EPHA6: variants seen among roughly 807,000 people sequenced by gnomAD.
EPHA6 encodes ephrin type-A receptor 6.
Under a neutral mutation model 112.0 loss-of-function variants are expected in EPHA6, and 50 were observed. The observed-to-expected ratio is 0.45, with a 90% confidence interval of 0.36 to 0.56. The LOEUF (loss-of-function observed/expected upper bound fraction) is 0.56, where lower values mean the gene tolerates loss of function less well. EPHA6 is among the 20% of genes least tolerant of loss of function. EPHA6 has a pLI of 0.00. For synonymous variants in EPHA6, 529 were observed against 490.7 expected (o/e 1.08, Z -1.03); for missense variants, 1,280 against 1,417.4 (o/e 0.90, Z 1.56).
At chr3:97,250,836 C>G (rs1476764657) in intron 5 of EPHA6, among the ~76,000 whole-genome samples, 1 of 151,660 alleles carries the variant, frequency 6.6e-6, no homozygotes. Context: ...ATATTTAACA[C>G]TGGGTTTATT....
intron 11 of EPHA6, among the ~76,000 whole-genome samples, chr3:97,571,587 A>C (rs1475527381): frequency 6.6e-6 from 1 of 152,038 alleles, no homozygotes; most frequent in Admixed American, 6.6e-5. Flanking sequence ...TTACATTGTC[A>C]CCTTCAAAGG....
At chr3:97,622,342 TA>T (rs1468267573) in intron 13 of EPHA6, among the ~76,000 whole-genome samples, 1 of 151,822 alleles carries the variant, frequency 6.6e-6, no homozygotes, top group Admixed American at 6.6e-5. Flanking sequence ...AGTGAAATCA[TA>T]TAGTATTTGT....
chr3:97,543,805 C>G (rs950337760), intron 11 of EPHA6, among the ~76,000 whole-genome samples: 11 of 152,016 alleles, frequency 7.2e-5, no homozygotes, highest in African/African-American at 2.7e-4. Context: ...TGAAGAGGTC[C>G]TTCACATCCC....
intron 10 of EPHA6, among the ~76,000 whole-genome samples, chr3:97,525,459 A>G (rs1223060298): frequency 2.6e-5 from 4 of 152,108 alleles, no homozygotes; most frequent in African/African-American, 9.7e-5. Flanking sequence ...GAAGATGAGC[A>G]TTTTGAATCC....
chr3:96,879,164 G>A (rs1049996168), intron 2 of EPHA6, among the ~76,000 whole-genome samples: 1 of 151,966 alleles, frequency 6.6e-6, no homozygotes, highest in Non-Finnish European at 1.5e-5. Flanking sequence ...GGGAAACTAT[G>A]AATGTTACTG....
At position 97,110,699 on chromosome 3, in the gene EPHA6, A is replaced by AT. The variant is rs938476970; in HGVS notation, c.1115-115556dup. On this transcript the variant is annotated intron_variant, in intron 3 of 17. Transcript: ENST00000389672. ...GCCACCACACCCAGATAATTTTTGT[A>AT]TTTTTTTTTAGTAGAGATGGGATTT... 6.3e-4 allele frequency among the ~76,000 whole-genome samples: 94 copies of AT among 149,840 alleles called. 2 individuals carry two copies. The highest frequency in any genetic ancestry group is 1.9e-3 in the African/African-American group (78 of 40,858).
chr3:97,332,120 C>T (rs180927583), intron 5 of EPHA6, among the ~76,000 whole-genome samples: 2,297 of 152,134 alleles, frequency 0.015, 50 homozygotes, highest in African/African-American at 0.051. Flanking sequence ...AATCAATAAA[C>T]GTAATCCAGC....
At chr3:97,747,240 G>T (rs2035756233) in intron 16 of EPHA6, among the ~76,000 whole-genome samples, 183 bp from the exon 17 acceptor site, 2 of 151,984 alleles carry the variant, frequency 1.3e-5, no homozygotes, top group South Asian at 2.1e-4. Context: ...ATAAGTCACT[G>T]ATTTGATAAA....
chr3:97,104,302 T>G (rs1052756708), intron 3 of EPHA6, among the ~76,000 whole-genome samples: 4 of 152,178 alleles, frequency 2.6e-5, no homozygotes, highest in African/African-American at 7.2e-5. Context: ...AGGCTCTTAC[T>G]ATTTCGTGAT....
intron 3 of EPHA6, among the ~76,000 whole-genome samples, chr3:97,141,245 A>G (rs556516819): frequency 1.3e-5 from 2 of 152,114 alleles, no homozygotes; most frequent in East Asian, 3.9e-4. Context: ...GGATTTTAAC[A>G]CCCCACTGAC....
At position 97,748,852 on chromosome 3, in the gene EPHA6, C is replaced by G. The variant is rs1413753021; in HGVS notation, c.*151C>G. ...GGCACACACCTTATGTTTATGCTTC[C>G]AACCAGGATTTTAAAATCATGCTAC... On this transcript the variant is annotated 3_prime_UTR_variant, in exon 18 of 18. Coordinates refer to ENST00000389672, the MANE Select transcript of EPHA6 (RefSeq NM_001080448.3). The G allele has an allele frequency of 1.7e-6, 1 of 601,298 alleles. No homozygotes were observed. The highest frequency in any genetic ancestry group is 3.0e-6 in the Non-Finnish European group (1 of 333,318). The allele number at this position is 601,298 out of a possible 1,614,324, so 37.2% of individuals were successfully genotyped here.
Position 97,428,471 on chromosome 3 carries a change from T to A in EPHA6, c.1732-20097T>A, listed in dbSNP as rs548957850. Among the ~76,000 whole-genome samples the A allele has an allele frequency of 4.6e-5, 7 of 152,306 alleles. No homozygotes were observed. The South Asian group carries it at 1.4e-3, about 32-fold the overall frequency. On this transcript the variant is annotated intron_variant, in intron 6 of 17. Transcript: ENST00000389672. ...TATTTCATGAAGCTTATATCATGGA[T>A]CTAGTCTCACTAGATGTTTTACCAC...
chr3:97,087,006 C>T (rs569555515), intron 3 of EPHA6, among the ~76,000 whole-genome samples: 5 of 152,206 alleles, frequency 3.3e-5, no homozygotes, highest in East Asian at 3.9e-4. Context: ...TGGAAAAACA[C>T]GTAAGTTTTG....
intron 5 of EPHA6, among the ~76,000 whole-genome samples, chr3:97,335,975 A>G (rs537900531): frequency 9.9e-5 from 15 of 152,216 alleles, no homozygotes; most frequent in African/African-American, 3.4e-4. Context: ...CAGTTTATCA[A>G]TCTGGGTGGT....
At chr3:97,592,762 T>G in intron 12 of EPHA6, 25 bp downstream of exon 12, 1 of 1,565,284 alleles carries the variant, frequency 6.4e-7, no homozygotes, top group Non-Finnish European at 8.6e-7. Context: ...TGAAGTTTTC[T>G]GCCACCATAT....
At chr3:97,081,628 TTAAC>T (rs1438930625) in intron 3 of EPHA6, among the ~76,000 whole-genome samples, 1 of 151,752 alleles carries the variant, frequency 6.6e-6, no homozygotes, top group Non-Finnish European at 1.5e-5. Flanking sequence ...TCAATACACT[TTAAC>T]TATGTGATTC....
intron 3 of EPHA6, among the ~76,000 whole-genome samples, chr3:97,189,229 A>G (rs896398385): frequency 1.3e-5 from 2 of 151,974 alleles, no homozygotes; most frequent in African/African-American, 4.8e-5. Flanking sequence ...AAACTTTATG[A>G]TATGAGATGT....
chr3:97,648,185 G>A (rs748170801), intron 14 of EPHA6: 12 of 553,398 alleles, frequency 2.2e-5, no homozygotes, highest in Admixed American at 6.3e-5. Flanking sequence ...CAATTCAGTC[G>A]AAATACTTTG....
chr3:97,644,707 T>G (rs141999558), intron 14 of EPHA6, among the ~76,000 whole-genome samples: 2 of 147,490 alleles, frequency 1.4e-5, no homozygotes, highest in Non-Finnish European at 3.0e-5. Flanking sequence ...ATAAATTCCT[T>G]GACACATACA....
Sources: allele counts gnomAD v4.1 joint callset (sites outside exome capture counted in the v4.1 genomes callset), GRCh38; gene constraint gnomAD v4.1.1; transcripts MANE v1.5; gene names NCBI Gene and HGNC (gene_info 2026-07-23, HGNC 2026-07-21).